Variants in TRMT44 observed in about 807,000 individuals in gnomAD.
TRMT44 encodes tRNA methyltransferase 44 homolog.
A neutral mutation model predicts 77.3 loss-of-function variants in TRMT44; 78 were observed. That is an observed-to-expected ratio of 1.01 (90% confidence interval 0.84 to 1.22). The LOEUF (loss-of-function observed/expected upper bound fraction) is 1.22, where lower values mean the gene tolerates loss of function less well. TRMT44 is among the 50% of genes most tolerant of loss of function. The probability of loss-of-function intolerance (pLI) is 0.00; values close to 1 mark genes in which losing one functional copy is unlikely to be tolerated. For missense variants in TRMT44, 1,090 were observed against 964.4 expected (o/e 1.13, Z -1.73); for synonymous variants, 391 against 383.3 (o/e 1.02, Z -0.23).
Position 8,449,746 on chromosome 4 carries a change from G to C in TRMT44, c.812G>C (p.Gly271Ala). Residue 271 changes from glycine to alanine, a missense_variant, in exon 3 of 11, where the codon GGA becomes GCA. Gly to Ala is a moderately conservative substitution (Grantham distance 60). Coordinates refer to ENST00000389737, the MANE Select transcript of TRMT44 (RefSeq NM_152544.3). ...GTGTATCCCAAACCCACGTGGCTTG[G>C]AGAAGAGTTGCTGGCCAAGTTGGCC... ...GIVYPKPTWL[G>A]EELLAKLAKW... is the part of the protein sequence containing the mutation. The C allele has an allele frequency of 6.5e-7, 1 of 1,536,076 alleles. No homozygotes were observed. Among genetic ancestry groups the C allele is most frequent in the Non-Finnish European group, 8.7e-7 (1 of 1,146,912 alleles).
intron 5 of TRMT44, chr4:8,454,492 T>A (rs1490699273): frequency 7.0e-6 from 4 of 572,220 alleles, no homozygotes; most frequent in Non-Finnish European, 1.2e-5. Context: ...GAAAATCAGC[T>A]TGGTACCACC....
At chr4:8,487,631 C>A (rs544897859) in intron 2 of TRMT44, among the ~76,000 whole-genome samples, 2 of 150,222 alleles carry the variant, frequency 1.3e-5, no homozygotes, top group South Asian at 2.1e-4. Flanking sequence ...GAGGTCGGGG[C>A]GTGGAAATAA....
At chr4:8,510,040 A>G in the TRMT44 span, among the ~76,000 whole-genome samples, 22 of 152,234 alleles carry the variant, frequency 1.4e-4, no homozygotes, top group African/African-American at 5.3e-4. Flanking sequence ...GCAGAGCGAG[A>G]TCCGGGCTGG....
rs140152809 is a variant in TRMT44, at chr4:8,452,164, G to C, written c.1023+136G>C. On this transcript the variant is annotated intron_variant, in intron 4 of 10. Coordinates refer to ENST00000389737, the MANE Select transcript of TRMT44 (RefSeq NM_152544.3). This position sits in a 1 kb window ranked among gnomAD's most constrained non-coding sequence, Gnocchi z 5.7. ...TTCTGCTGGCCAAGGTTGGTTTCTC[G>C]TGTAATGGTTTGACTTCATGTGGTC... is the stretch of plus-strand genomic sequence containing the variant. 1,520 of 779,018 alleles carry C rather than the reference G, an allele frequency of 2.0e-3. 6 individuals carry two copies. The highest frequency in any genetic ancestry group is 2.9e-3 in the Non-Finnish European group (1,367 of 474,528). The allele number at this position is 779,018 out of a possible 1,614,324, so 48.3% of individuals were successfully genotyped here. A position where few individuals can be genotyped will look rare whatever the true frequency, so the allele number is the denominator to read the frequency against.
At chr4:8,472,846 G>A (rs559297477) in intron 10 of TRMT44, among the ~76,000 whole-genome samples, 7 of 152,260 alleles carry the variant, frequency 4.6e-5, no homozygotes, top group African/African-American at 1.4e-4. Flanking sequence ...AGAGCTTTAG[G>A]CAGTTAGAAT....
chr4:8,468,015 A>C lies in TRMT44; in HGVS notation c.1596A>C (p.Val532=), dbSNP rs2109165309. 6.2e-7 allele frequency: 1 copy of C among 1,614,032 alleles called. No individual in the cohort carries two copies. The highest frequency in any genetic ancestry group is 1.1e-5 in the South Asian group (1 of 91,076). Residue 532 remains valine (V), a synonymous_variant, in exon 9 of 11, where the codon GTA becomes GTC. Transcript: ENST00000389737. ...QYIKSRRGCP[V]SPPGWELSPS... ...TTAAGAGCAGGCGGGGCTGCCCTGT[A>C]AGCCCACCTGGCTGGGAGCTTTCCC... is the stretch of plus-strand genomic sequence containing the variant.
At chr4:8,454,509 G>T in intron 5 of TRMT44, 2 of 586,840 alleles carry the variant, frequency 3.4e-6, no homozygotes, top group Non-Finnish European at 6.1e-6. Flanking sequence ...CACCAGACTG[G>T]GCTGCAGGTT....
intron 8 of TRMT44, 47 bp from the exon 9 acceptor site, chr4:8,467,867 A>C: frequency 2.0e-6 from 3 of 1,527,548 alleles, no homozygotes; most frequent in Non-Finnish European, 2.7e-6. Context: ...AGAACGTTGA[A>C]ATAGACTAGC....
chr4:8,458,920 C>G (rs1195437252), intron 6 of TRMT44, among the ~76,000 whole-genome samples: 1 of 151,836 alleles, frequency 6.6e-6, no homozygotes, highest in Non-Finnish European at 1.5e-5. Context: ...ATACATGGGC[C>G]AGGTACAGTG....
At chr4:8,453,728 G>A (rs12500188) in intron 5 of TRMT44, 4,002 of 152,250 alleles carry the variant, frequency 0.026, 98 homozygotes, top group African/African-American at 0.066. Flanking sequence ...CGTCCAGCGC[G>A]TCAGGTGCCA....
Position 8,464,016 on chromosome 4 carries a change from T to C in TRMT44, c.1235T>C (p.Leu412Pro). Reference sequence around the variant, plus strand: ...GCAATCACACCCAATGATAAGACCCTTTTCCCTGATGTTGATTGGTTAATC... The same window carrying C: ...GCAATCACACCCAATGATAAGACCCCTTTCCCTGATGTTGATTGGTTAATC... ...EDAITPNDKT[L>P]FPDVDWLIGN... Residue 412 changes from leucine (L) to proline (P), a missense_variant, in exon 7 of 11, where the codon CTT (leucine) becomes CCT (proline). Leu to Pro is a moderately conservative substitution (Grantham distance 98). Transcript: ENST00000389737. 6.2e-7 allele frequency: 1 copy of C among 1,613,698 alleles called. No homozygotes were observed. The highest frequency in any genetic ancestry group is 1.7e-4 in the Middle Eastern group (1 of 6,060).
the TRMT44 span, chr4:8,506,913 C>G: frequency 6.6e-6 from 1 of 152,642 alleles, no homozygotes; most frequent in Non-Finnish European, 1.5e-5. Flanking sequence ...CCACGGGAAC[C>G]TCATCAGCAG....
the TRMT44 span, chr4:8,510,717 G>A: frequency 6.6e-6 from 1 of 152,610 alleles, no homozygotes; most frequent in African/African-American, 2.4e-5. Flanking sequence ...GGTGTGAGGT[G>A]CCCATGGAAT....
Position 8,464,041 on chromosome 4 carries a change from C to A in TRMT44, c.1260C>A (p.Ile420=). Residue 420 remains isoleucine, a synonymous_variant, in exon 7 of 11, where the codon ATC becomes ATA. Coordinates refer to ENST00000389737, the MANE Select transcript of TRMT44 (RefSeq NM_152544.3). ...KTLFPDVDWL[I]GNHSDELTPW... Reference sequence around the variant, plus strand: ...TTTTCCCTGATGTTGATTGGTTAATCGGTAACCATTCTGATGAACTCACAC... The same window carrying A: ...TTTTCCCTGATGTTGATTGGTTAATAGGTAACCATTCTGATGAACTCACAC... 6.2e-7 allele frequency: 1 copy of A among 1,614,082 alleles called. No homozygotes were observed. The highest frequency in any genetic ancestry group is 8.5e-7 in the Non-Finnish European group (1 of 1,179,988).
the TRMT44 span, among the ~76,000 whole-genome samples, chr4:8,516,447 T>A: frequency 6.6e-6 from 1 of 152,010 alleles, no homozygotes; most frequent in East Asian, 1.9e-4. Flanking sequence ...CAAGCCTAAT[T>A]CTCCAGCCCC....
chr4:8,516,667 G>C, the TRMT44 span, among the ~76,000 whole-genome samples: 4 of 152,180 alleles, frequency 2.6e-5, no homozygotes, highest in Non-Finnish European at 5.9e-5. Context: ...TGTGGACCCA[G>C]CTACTCAGGA....
chr4:8,481,976 GC>G (rs1727628438), intron 2 of TRMT44, among the ~76,000 whole-genome samples: 1 of 152,198 alleles, frequency 6.6e-6, no homozygotes, highest in South Asian at 2.1e-4. Flanking sequence ...AGCAGATAAG[GC>G]ACTATGAACA....
chr4:8,467,367 G>C (rs1280686679), intron 8 of TRMT44, among the ~76,000 whole-genome samples: 1 of 152,240 alleles, frequency 6.6e-6, no homozygotes, highest in Non-Finnish European at 1.5e-5. Context: ...GCCTTTGTTA[G>C]ATCTTGTGAA....
chr4:8,491,385 C>T (rs1352599236), intron 2 of TRMT44, among the ~76,000 whole-genome samples: 2 of 152,244 alleles, frequency 1.3e-5, no homozygotes, highest in Non-Finnish European at 2.9e-5. Context: ...GTGGAGCTGC[C>T]TGCCAGTGCC....
Sources: allele counts gnomAD v4.1 joint callset (sites outside exome capture counted in the v4.1 genomes callset), GRCh38; gene constraint gnomAD v4.1.1; non-coding constraint Gnocchi (gnomAD v3.1); transcripts MANE v1.5; gene names NCBI Gene and HGNC (gene_info 2026-07-23, HGNC 2026-07-21).